NCAM2: variants seen among roughly 807,000 people sequenced by gnomAD.
NCAM2 encodes neural cell adhesion molecule 2, also known as N-CAM-2.
In NCAM2, 30 loss-of-function variants were observed where a neutral mutation model predicts 98.1. The observed-to-expected ratio is 0.31, with a 90% CI of 0.23 to 0.41. NCAM2 has a LOEUF of 0.41. Ranked by LOEUF, NCAM2 falls within the 10% of genes least tolerant of loss-of-function variation. The pLI, the probability that NCAM2 is intolerant of heterozygous loss-of-function variation, is 1.00. For missense variants in NCAM2, 867 were observed against 1,005.8 expected, an observed-to-expected ratio of 0.86 and a Z score of 1.87; for synonymous variants, 368 against 342.4, an observed-to-expected ratio of 1.07 and a Z score of -0.83.
rs2073021434 is a variant in NCAM2 at position 21,284,186 on chromosome 21, CTT to C, written c.131-6_131-5del. 1 of 1,603,176 alleles carries C rather than the reference CTT, an allele frequency of 6.2e-7. No homozygotes were observed. Among genetic ancestry groups the C allele is most frequent in the South Asian group, 1.1e-5 (1 of 90,786 alleles). Reference sequence around the variant, plus strand: ...TTTCAAACCTTTATTTTCCATGGCTCTTTGCAGCGATTGGTGAACCTGAAAGT... The same window carrying C: ...TTTCAAACCTTTATTTTCCATGGCTCTGCAGCGATTGGTGAACCTGAAAGT... On this transcript the variant is annotated splice_polypyrimidine_tract_variant and splice_region_variant and intron_variant, in intron 2 of 17. Transcript: ENST00000400546.
intron 12 of NCAM2, among the ~76,000 whole-genome samples, chr21:21,452,700 A>T (rs1263608276): frequency 8.9e-6 from 1 of 112,102 alleles, no homozygotes; most frequent in Admixed American, 1.2e-4. Context: ...ATATCATTTT[A>T]AAAATATAAT....
chr21:21,518,686 T>C lies in NCAM2; in HGVS notation c.2282+9631T>C, dbSNP rs1007520156. Among the ~76,000 whole-genome samples, 10 of 151,872 alleles carry C rather than the reference T, an allele frequency of 6.6e-5. No individual in the cohort carries two copies. In the South Asian group the frequency reaches 2.1e-3, roughly 31 times the overall value. On this transcript the variant is annotated intron_variant, in intron 16 of 17. Transcript: ENST00000400546. ...ATAAAGGTATAGATAGAGATATATATTAAATTTTATAAGTCTTCTCTTTTG... is the reference window on the plus strand; with the variant it reads ...ATAAAGGTATAGATAGAGATATATACTAAATTTTATAAGTCTTCTCTTTTG...
intron 1 of NCAM2, among the ~76,000 whole-genome samples, chr21:21,079,250 T>G (rs1160375569): frequency 6.6e-6 from 1 of 152,186 alleles, no homozygotes; most frequent in African/African-American, 2.4e-5. Context: ...GCATATGAAC[T>G]TCTTACTCTG....
chr21:21,357,748 T>G (rs2075530214), intron 8 of NCAM2, among the ~76,000 whole-genome samples: 1 of 152,040 alleles, frequency 6.6e-6, no homozygotes. Context: ...CATTCTGGGA[T>G]GCAATTATAG....
chr21:21,066,585 GC>G (rs2065442820), intron 1 of NCAM2, among the ~76,000 whole-genome samples: 1 of 151,898 alleles, frequency 6.6e-6, no homozygotes, highest in Non-Finnish European at 1.5e-5. Flanking sequence ...GCCTCTATGC[GC>G]AAGAAAGTTC....
intron 1 of NCAM2, among the ~76,000 whole-genome samples, chr21:21,127,669 C>T (rs768622798): frequency 6.6e-5 from 10 of 152,020 alleles, no homozygotes; most frequent in Non-Finnish European, 1.2e-4. Context: ...TTTATGAAAT[C>T]AACATTTTTT....
chr21:21,313,589 C>T (rs2074124820), intron 5 of NCAM2, among the ~76,000 whole-genome samples: 1 of 151,916 alleles, frequency 6.6e-6, no homozygotes, highest in East Asian at 1.9e-4. Context: ...TTTATCATTA[C>T]ATTTCAAGTG....
At chr21:21,065,934 C>G (rs1002281590) in intron 1 of NCAM2, among the ~76,000 whole-genome samples, 3 of 152,184 alleles carry the variant, frequency 2.0e-5, no homozygotes, top group Non-Finnish European at 4.4e-5. Flanking sequence ...TAAGCACTCC[C>G]CAATGCATGG....
At chr21:21,495,192 G>T (rs1421166612) in intron 15 of NCAM2, among the ~76,000 whole-genome samples, 1 of 151,610 alleles carries the variant, frequency 6.6e-6, no homozygotes. Flanking sequence ...AAATATAAAC[G>T]TATATATTAT....
rs184789826 is a variant in NCAM2 at position 21,268,676 on chromosome 21, A to T, written c.56-11902A>T. 4.1e-4 allele frequency among the ~76,000 whole-genome samples: 63 copies of T among 152,268 alleles called. 1 individual carries two copies. Among genetic ancestry groups the T allele is most frequent in the Admixed American group, 3.6e-3 (55 of 15,282 alleles). On this transcript the variant is annotated intron_variant, in intron 1 of 17. Coordinates refer to ENST00000400546, the MANE Select transcript of NCAM2 (RefSeq NM_004540.5). ...TATATCTGATATCCCCATAATTCTT[A>T]TCTCTCTTCTGATTCACTTTGCTTC...
intron 12 of NCAM2, among the ~76,000 whole-genome samples, chr21:21,461,246 A>G (rs1239612994): frequency 2.0e-5 from 3 of 151,922 alleles, no homozygotes; most frequent in Admixed American, 6.6e-5. Context: ...TAAATTGTTT[A>G]TGAAACATAT....
At chr21:21,311,472 C>CT (rs1289140232) in intron 5 of NCAM2, among the ~76,000 whole-genome samples, 4 of 151,714 alleles carry the variant, frequency 2.6e-5, no homozygotes, top group African/African-American at 9.7e-5. Context: ...TCCTGAGTCG[C>CT]TGGGACTACA....
At chr21:21,326,176 A>C (rs111829682) in intron 6 of NCAM2, among the ~76,000 whole-genome samples, 5 of 152,300 alleles carry the variant, frequency 3.3e-5, no homozygotes, top group African/African-American at 1.2e-4. Flanking sequence ...TGGGTGTGTG[A>C]TTGTTACAGT....
chr21:21,305,966 G>A (rs1055066035), intron 5 of NCAM2, among the ~76,000 whole-genome samples: 1 of 152,040 alleles, frequency 6.6e-6, no homozygotes, highest in Admixed American at 6.6e-5. Context: ...ATTTTAAAAT[G>A]TTTTGTAATT....
chr21:21,318,358 G>A (rs1325263585), intron 5 of NCAM2, among the ~76,000 whole-genome samples: 5 of 151,824 alleles, frequency 3.3e-5, no homozygotes, highest in East Asian at 1.9e-4. Context: ...CTCATACTGT[G>A]GAAAGACTTC....
chr21:21,414,509 C>T lies in NCAM2; in HGVS notation c.1384-3964C>T, dbSNP rs570437083. Among the ~76,000 whole-genome samples the T allele has an allele frequency of 5.3e-4, 74 of 138,916 alleles. No individual in the cohort carries two copies. The South Asian group carries it at 0.013, about 24-fold the overall frequency. The allele number at this position is 138,916 out of a possible 152,430, so 91.1% of individuals were successfully genotyped here. A position where few individuals can be genotyped will look rare whatever the true frequency, so the allele number is the denominator to read the frequency against. The stretch of plus-strand genomic sequence containing the variant: ...TTTTTGAGAGGGAGTCTCGCTCTGT[C>T]GCCCAGGCTGGAGTGCAATGGCACG... On this transcript the variant is annotated intron_variant, in intron 10 of 17. Transcript: ENST00000400546.
chr21:21,045,557 G>A (rs1434632273), intron 1 of NCAM2, among the ~76,000 whole-genome samples: 1 of 152,106 alleles, frequency 6.6e-6, no homozygotes, highest in Non-Finnish European at 1.5e-5. Context: ...ACTGAGGCAG[G>A]AGGGTCACTT....
At chr21:21,085,631 G>A (rs946185856) in intron 1 of NCAM2, among the ~76,000 whole-genome samples, 1 of 152,078 alleles carries the variant, frequency 6.6e-6, no homozygotes, top group Non-Finnish European at 1.5e-5. Context: ...AGAACACTAT[G>A]CGCCCTTTCT....
chr21:21,115,814 T>C (rs1390472729), intron 1 of NCAM2, among the ~76,000 whole-genome samples: 1 of 152,210 alleles, frequency 6.6e-6, no homozygotes, highest in African/African-American at 2.4e-5. Context: ...TGCGTGTGTC[T>C]GTGTGTAGAA....
Sources: gnomAD v4.1 joint callset for allele counts (sites outside exome capture counted in the v4.1 genomes callset) on GRCh38, gnomAD v4.1.1 for gene constraint, MANE v1.5 for transcripts, NCBI Gene and HGNC (gene_info 2026-07-23, HGNC 2026-07-21) for gene names.